The following SOX5 variants were observed in gnomAD, a reference collection of about 807,000 sequenced individuals.
SOX5 encodes the protein SRY-box transcription factor 5, also known as transcription factor SOX-5.
A neutral mutation model predicts 92.0 loss-of-function variants in SOX5; 9 were observed. The ratio of observed to expected loss-of-function variants is 0.10; its 90% CI spans 0.06 to 0.17. The LOEUF is 0.17. Among genes scored for constraint, SOX5 ranks in the 10% least tolerant of loss-of-function variants. The probability of loss-of-function intolerance (pLI) is 1.00; values close to 1 mark genes in which losing one functional copy is unlikely to be tolerated. For synonymous variants in SOX5, 344 were observed against 336.3 expected, an observed-to-expected ratio of 1.02 and a Z score of -0.25; for missense variants, 642 against 944.5, an observed-to-expected ratio of 0.68 and a Z score of 4.20.
Position 24,074,019 on chromosome 12 carries a change from G to A in SOX5, c.-2+139324C>T, listed in dbSNP as rs144862311. ...AAAATCTGACACTGCACTCTAGCCT[G>A]GATGACAGAGACCATGCCTACATCC... On this transcript the variant is annotated intron_variant, in intron 4 of 4. Coordinates refer to the SOX5 transcript ENST00000446891. 2.9e-4 allele frequency among the ~76,000 whole-genome samples: 44 copies of A among 152,084 alleles called. No individual in the cohort carries two copies. The East Asian group carries it at 8.3e-3, about 29-fold the overall frequency.
intron 12 of SOX5, among the ~76,000 whole-genome samples, chr12:23,545,922 C>A (rs1206307131): frequency 2.0e-5 from 3 of 151,354 alleles, no homozygotes; most frequent in African/African-American, 7.3e-5. Context: ...CACCTATAAT[C>A]CCAGCTACTT....
At chr12:23,766,057 C>A (rs1012660884) in intron 3 of SOX5, among the ~76,000 whole-genome samples, 28 of 152,122 alleles carry the variant, frequency 1.8e-4, no homozygotes, top group African/African-American at 6.5e-4. Flanking sequence ...ACTAACGATG[C>A]CTTACTTGAA....
intron 1 of SOX5, among the ~76,000 whole-genome samples, chr12:23,923,167 A>G (rs1030852265): frequency 2.4e-4 from 36 of 152,136 alleles, no homozygotes; most frequent in African/African-American, 7.9e-4. Flanking sequence ...GGATGGTCTC[A>G]ATCTCCTGAC....
chr12:23,931,106 A>G (rs1310000958), intron 1 of SOX5, among the ~76,000 whole-genome samples: 3 of 151,792 alleles, frequency 2.0e-5, no homozygotes, highest in South Asian at 2.1e-4. Context: ...AAAATATTCA[A>G]TAAGTATTTC....
At chr12:23,779,812 TATACAC>T (rs1289430612) in intron 3 of SOX5, among the ~76,000 whole-genome samples, 1 of 74,626 alleles carries the variant, frequency 1.3e-5, no homozygotes, top group Admixed American at 1.1e-4. Flanking sequence ...TATATATATA[TATACAC>T]ACACACACAC....
intron 1 of SOX5, among the ~76,000 whole-genome samples, chr12:24,421,377 T>G (rs1443250924): frequency 1.3e-5 from 2 of 152,232 alleles, no homozygotes; most frequent in Non-Finnish European, 2.9e-5. Flanking sequence ...TGTTACACGC[T>G]TGTATGTCAC....
At chr12:24,043,885 A>G (rs1234174911) in intron 4 of SOX5, among the ~76,000 whole-genome samples, 1 of 152,218 alleles carries the variant, frequency 6.6e-6, no homozygotes, top group African/African-American at 2.4e-5. Flanking sequence ...TAATTATAAA[A>G]TACTGAAACC....
At chr12:24,295,319 C>G (rs117708160) in intron 2 of SOX5, among the ~76,000 whole-genome samples, 2,512 of 152,260 alleles carry the variant, frequency 0.016, 33 homozygotes, top group Non-Finnish European at 0.025. Context: ...TCAATACCCT[C>G]TTGTTTAAGT....
At chr12:23,850,947 G>A (rs928377234) in intron 2 of SOX5, among the ~76,000 whole-genome samples, 2 of 152,022 alleles carry the variant, frequency 1.3e-5, no homozygotes, top group Admixed American at 6.6e-5. Context: ...TAGGAAATTC[G>A]CTATGAACTC....
chr12:24,089,627 G>A (rs908013138), intron 4 of SOX5, among the ~76,000 whole-genome samples: 1 of 152,138 alleles, frequency 6.6e-6, no homozygotes, highest in African/African-American at 2.4e-5. Flanking sequence ...AGGCACAGAA[G>A]TACCCTCTAG....
intron 7 of SOX5, among the ~76,000 whole-genome samples, chr12:23,653,989 A>G (rs1823625817): frequency 6.6e-6 from 1 of 152,158 alleles, no homozygotes; most frequent in African/African-American, 2.4e-5. Flanking sequence ...TAAGAAGTTA[A>G]CAAATATCAA....
intron 4 of SOX5, among the ~76,000 whole-genome samples, chr12:24,146,295 T>A (rs1951076453): frequency 6.6e-6 from 1 of 152,046 alleles, no homozygotes; most frequent in African/African-American, 2.4e-5. Flanking sequence ...TCCCTAACTA[T>A]CATAAAAATA....
At chr12:23,896,302 A>G (rs1346850094) in intron 1 of SOX5, among the ~76,000 whole-genome samples, 1 of 152,198 alleles carries the variant, frequency 6.6e-6, no homozygotes, top group African/African-American at 2.4e-5. Flanking sequence ...AACACTGCAT[A>G]ATGAAAGACC....
chr12:24,309,758 T>C (rs998518807), intron 2 of SOX5, among the ~76,000 whole-genome samples: 3 of 152,126 alleles, frequency 2.0e-5, no homozygotes, highest in Non-Finnish European at 4.4e-5. Context: ...ACAGGAAAAC[T>C]GGAGATGCAA....
intron 1 of SOX5, among the ~76,000 whole-genome samples, chr12:24,416,693 G>T (rs1279516518): frequency 6.6e-6 from 1 of 152,212 alleles, no homozygotes; most frequent in Non-Finnish European, 1.5e-5. Context: ...CCACACAGTT[G>T]AAGTTATTTG....
chr12:23,677,887 A>G (rs10842209), intron 6 of SOX5, among the ~76,000 whole-genome samples: 45,264 of 152,006 alleles, frequency 0.3, 6,999 homozygotes, highest in East Asian at 0.52. Context: ...CAGCTCCCCC[A>G]ATTCAACTAT....
chr12:24,329,632 A>ACAAAGG (rs1951073954), intron 2 of SOX5, among the ~76,000 whole-genome samples: 1 of 152,262 alleles, frequency 6.6e-6, no homozygotes, highest in Non-Finnish European at 1.5e-5. Context: ...AAAGTAGGTC[A>ACAAAGG]TGGGAATACA....
intron 2 of SOX5, among the ~76,000 whole-genome samples, chr12:24,327,610 G>C (rs1303420154): frequency 6.6e-6 from 1 of 151,160 alleles, no homozygotes; most frequent in African/African-American, 2.4e-5. Flanking sequence ...TTTAGACAGA[G>C]TCTCGCTCTG....
chr12:23,780,188 T>C (rs2095245901), intron 3 of SOX5, among the ~76,000 whole-genome samples: 1 of 152,014 alleles, frequency 6.6e-6, no homozygotes, highest in African/African-American at 2.4e-5. Context: ...ATAAACTACA[T>C]TCTTTAATAA....
Sources: gnomAD v4.1 joint callset for allele counts (sites outside exome capture counted in the v4.1 genomes callset) on GRCh38, gnomAD v4.1.1 for gene constraint, MANE v1.5 for transcripts, NCBI Gene and HGNC (gene_info 2026-07-23, HGNC 2026-07-21) for gene names.